SLC9A2: variants seen among roughly 807,000 people sequenced by gnomAD.
SLC9A2 encodes the protein solute carrier family 9 member A2.
SLC9A2 carries 42 observed loss-of-function variants against 71.7 expected under a neutral mutation model. The observed-to-expected ratio is 0.59, with a 90% CI of 0.46 to 0.76. The LOEUF is 0.76. Ranked by LOEUF, SLC9A2 falls within the 30% of genes least tolerant of loss-of-function variation. The pLI is 0.00. For synonymous variants in SLC9A2, 396 were observed against 392.5 expected (o/e 1.01, Z -0.10); for missense variants, 829 against 1,017.4 (o/e 0.81, Z 2.52).
At position 102,708,451 on chromosome 2, in the gene SLC9A2, G is replaced by A; in HGVS notation, c.2401G>A (p.Gly801Arg). The A allele has an allele frequency of 6.2e-7, 1 of 1,614,108 alleles. No individual in the cohort carries two copies. Among genetic ancestry groups the A allele is most frequent in the Non-Finnish European group, 8.5e-7 (1 of 1,180,020 alleles). ...PRLVWRASEP[G>R]SRKARFGSEK... ...GCTGGTCTGGAGGGCATCGGAACCT[G>A]GAAGCCGGAAAGCCCGATTTGGGAG... The change falls in exon 12 of 12, where the codon GGA becomes AGA. Residue 801 changes from glycine to arginine, a missense_variant. Physicochemically the swap from Gly to Arg is moderately radical, Grantham distance 125. Transcript: ENST00000233969.
chr2:102,626,596 T>A (rs1199096142), intron 1 of SLC9A2, among the ~76,000 whole-genome samples: 5 of 152,150 alleles, frequency 3.3e-5, no homozygotes, highest in Admixed American at 6.5e-5. Flanking sequence ...CTAAAGAGCT[T>A]CTGCACAGCA....
Position 102,684,123 on chromosome 2 carries a change from T to C in SLC9A2, c.1223-11T>C, listed in dbSNP as rs751953037. On this transcript the variant is annotated splice_polypyrimidine_tract_variant and intron_variant, in intron 4 of 11. Transcript: ENST00000233969. The stretch of plus-strand genomic sequence containing the variant: ...CCAGTCTGTTTCCTCTTGGGTTTTC[T>C]TTCTTTGCAGGTGTTTTTGTCCTGA... 1 of 1,611,982 alleles carries C rather than the reference T, an allele frequency of 6.2e-7. No homozygotes were observed. Among genetic ancestry groups the C allele is most frequent in the Non-Finnish European group, 8.5e-7 (1 of 1,178,406 alleles).
At chr2:102,670,920 A>G (rs1347697003) in intron 3 of SLC9A2, among the ~76,000 whole-genome samples, 1 of 141,912 alleles carries the variant, frequency 7.0e-6, no homozygotes, top group African/African-American at 2.6e-5. Flanking sequence ...CGTTTAGGAG[A>G]ACATCTCTTC....
chr2:102,707,608 A>G (rs560912739), intron 11 of SLC9A2, among the ~76,000 whole-genome samples: 1 of 152,212 alleles, frequency 6.6e-6, no homozygotes, highest in Non-Finnish European at 1.5e-5. Flanking sequence ...AAAGGAAATC[A>G]GCAAAACCAT....
intron 1 of SLC9A2, among the ~76,000 whole-genome samples, chr2:102,627,442 A>G (rs1676271600): frequency 6.6e-6 from 1 of 152,144 alleles, no homozygotes. Context: ...TTTAATGTTT[A>G]TAGTTTTATT....
rs1678054428 is a variant in SLC9A2, at chr2:102,709,272, T to C, written c.*783T>C. 1 of 152,302 alleles carries C rather than the reference T, an allele frequency of 6.6e-6. No homozygotes were observed. The highest frequency in any genetic ancestry group is 2.4e-5 in the African/African-American group (1 of 41,386). 9.4% of individuals were successfully genotyped at this position (152,302 alleles called of 1,614,324 possible). On this transcript the variant is annotated 3_prime_UTR_variant, in exon 12 of 12. Coordinates refer to ENST00000233969, the MANE Select transcript of SLC9A2 (RefSeq NM_003048.6). Reference sequence around the variant, plus strand: ...CCAGACATCCACCAGCTTACTGTGTTGACAGATTTGGGAGCAGCTTTTGAT... The same window carrying C: ...CCAGACATCCACCAGCTTACTGTGTCGACAGATTTGGGAGCAGCTTTTGAT...
intron 1 of SLC9A2, among the ~76,000 whole-genome samples, chr2:102,639,556 G>T (rs1160662245): frequency 1.3e-5 from 2 of 152,190 alleles, no homozygotes; most frequent in Non-Finnish European, 2.9e-5. Flanking sequence ...GTTTAGCAGT[G>T]CTTATGCAGT....
chr2:102,638,483 C>T (rs1312300341), intron 1 of SLC9A2, among the ~76,000 whole-genome samples: 1 of 152,112 alleles, frequency 6.6e-6, no homozygotes, highest in African/African-American at 2.4e-5. Context: ...AAGCACAAGC[C>T]AAAGGGAAGC....
At chr2:102,696,780 C>A (rs890733572) in intron 7 of SLC9A2, among the ~76,000 whole-genome samples, 1 of 152,098 alleles carries the variant, frequency 6.6e-6, no homozygotes, top group South Asian at 2.1e-4. Flanking sequence ...ATGGAGAGCA[C>A]GCCCAATTAG....
At chr2:102,661,554 C>T (rs925405429) in intron 2 of SLC9A2, among the ~76,000 whole-genome samples, 6 of 152,162 alleles carry the variant, frequency 3.9e-5, no homozygotes, top group South Asian at 2.1e-4. Flanking sequence ...TTCTGATAGA[C>T]GACTGTATTT....
At chr2:102,668,158 T>A (rs566026320) in intron 3 of SLC9A2, among the ~76,000 whole-genome samples, 1 of 152,318 alleles carries the variant, frequency 6.6e-6, no homozygotes, top group East Asian at 1.9e-4. Context: ...AATAAGATAT[T>A]ACCAGTGATG....
At chr2:102,679,759 A>G (rs775488817) in intron 3 of SLC9A2, among the ~76,000 whole-genome samples, 35 of 152,216 alleles carry the variant, frequency 2.3e-4, no homozygotes, top group Non-Finnish European at 4.9e-4. Context: ...TTTTGCCTGT[A>G]TGGTTTACTT....
chr2:102,695,089 G>C lies in SLC9A2; in HGVS notation c.1562G>C (p.Trp521Ser). The C allele has an allele frequency of 6.2e-7, 1 of 1,613,808 alleles. No homozygotes were observed. The highest frequency in any genetic ancestry group is 8.5e-7 in the Non-Finnish European group (1 of 1,179,808). Residue 521 changes from tryptophan (W) to serine (S), a missense_variant, in exon 7 of 12, where the codon TGG (tryptophan) becomes TCG (serine). Coordinates refer to ENST00000233969, the MANE Select transcript of SLC9A2 (RefSeq NM_003048.6). ...GGAATTGAAGATGTTTGTGGACATT[G>C]GGGTCACAACTTTTGGAGAGACAAG... The part of the protein sequence containing the change: ...KTGIEDVCGH[W>S]GHNFWRDKFK...
chr2:102,665,773 T>TA (rs11426516), intron 3 of SLC9A2, among the ~76,000 whole-genome samples: 5,704 of 38,596 alleles, frequency 0.15, 1,193 homozygotes, highest in Non-Finnish European at 0.18. Flanking sequence ...GACTCTGTCT[T>TA]AAAAAAAAAA....
At chr2:102,664,445 G>GCACACACACACA (rs58155284) in intron 2 of SLC9A2, among the ~76,000 whole-genome samples, 6 of 147,860 alleles carry the variant, frequency 4.1e-5, no homozygotes, top group South Asian at 2.2e-4. Context: ...TTCAGCAGAT[G>GCACACACACACA]CACACACACA....
At chr2:102,696,876 A>T (rs188391304) in intron 7 of SLC9A2, among the ~76,000 whole-genome samples, 1 of 152,190 alleles carries the variant, frequency 6.6e-6, no homozygotes, top group African/African-American at 2.4e-5. Flanking sequence ...TCTCAGGGGA[A>T]GTATTCCCTT....
At chr2:102,686,140 A>G (rs1052565910) in intron 5 of SLC9A2, among the ~76,000 whole-genome samples, 1 of 152,246 alleles carries the variant, frequency 6.6e-6, no homozygotes, top group Non-Finnish European at 1.5e-5. Context: ...AAATCTGAGC[A>G]TCTTACATGT....
chr2:102,645,268 G>GA (rs1676698471), intron 1 of SLC9A2, among the ~76,000 whole-genome samples: 1 of 152,058 alleles, frequency 6.6e-6, no homozygotes, highest in Non-Finnish European at 1.5e-5. Context: ...CAACAAAAAG[G>GA]ATGCCCACAG....
chr2:102,702,015 T>C (rs1677882640), intron 8 of SLC9A2, among the ~76,000 whole-genome samples: 1 of 152,214 alleles, frequency 6.6e-6, no homozygotes, highest in South Asian at 2.1e-4. Flanking sequence ...TTGCAAATAT[T>C]TATGATGAGG....
Sources: gnomAD v4.1 joint callset for allele counts (sites outside exome capture counted in the v4.1 genomes callset) on GRCh38, gnomAD v4.1.1 for gene constraint, MANE v1.5 for transcripts, NCBI Gene and HGNC (gene_info 2026-07-23, HGNC 2026-07-21) for gene names.